SRGAP2: variants seen among roughly 807,000 people sequenced by gnomAD.
The protein encoded by SRGAP2 is SLIT-ROBO Rho GTPase activating protein 2, also known as SLIT-ROBO Rho GTPase-activating protein 2.
Under a neutral mutation model 57.2 loss-of-function variants are expected in SRGAP2, and 15 were observed. The observed-to-expected ratio is 0.26, with a 90% CI of 0.18 to 0.40. SRGAP2 has a LOEUF of 0.40. SRGAP2 is among the 10% of genes least tolerant of loss of function. SRGAP2 has a pLI of 1.00. For missense variants in SRGAP2, 520 were observed against 669.6 expected (o/e 0.78, Z 2.47); for synonymous variants, 249 against 248.0 (o/e 1.00, Z -0.04).
At chr1:206,353,140 G>A (rs1328266595) in intron 4 of SRGAP2, among the ~76,000 whole-genome samples, 1 of 152,118 alleles carries the variant, frequency 6.6e-6, no homozygotes, top group Non-Finnish European at 1.5e-5. Context: ...TATCTAATTT[G>A]TAGAAATTGT....
chr1:206,417,678 C>G (rs1373221308), intron 11 of SRGAP2, among the ~76,000 whole-genome samples: 14 of 152,026 alleles, frequency 9.2e-5, no homozygotes, highest in Admixed American at 9.2e-4. Context: ...CCTCGGCCTC[C>G]CAAAGTGCTG....
In SRGAP2 at chr1:206,358,024, C is replaced by T. The variant is rs1553339781; in HGVS notation, c.423+15016C>T. Among the ~76,000 whole-genome samples, 10 of 148,298 alleles carry T rather than the reference C, an allele frequency of 6.7e-5. 1 individual carries two copies. The South Asian group carries it at 2.0e-3, about 29-fold the overall frequency. On this transcript the variant is annotated intron_variant, in intron 4 of 22. Transcript: ENST00000573034. Reference sequence around the variant, plus strand: ...AAGGCTTTCATTTGGAAATACCCTACTTCCATTTAATATAAGGTAAGGAGA... The same window carrying T: ...AAGGCTTTCATTTGGAAATACCCTATTTCCATTTAATATAAGGTAAGGAGA...
chr1:206,391,329 C>T (rs1387065478), intron 5 of SRGAP2, among the ~76,000 whole-genome samples: 2 of 120,258 alleles, frequency 1.7e-5, no homozygotes, highest in Non-Finnish European at 3.4e-5. Flanking sequence ...AGAGGAGAGT[C>T]GGTGTTGCTT....
intron 11 of SRGAP2, among the ~76,000 whole-genome samples, chr1:206,419,119 GT>G (rs1660062727): frequency 6.6e-6 from 1 of 152,120 alleles, no homozygotes; most frequent in Non-Finnish European, 1.5e-5. Context: ...TGGCCCTAAG[GT>G]TTAGGGGGAC....
rs1553361697 is a variant in SRGAP2 at position 206,415,900 on chromosome 1, G to A, written c.1368G>A (p.Glu456=). 1.3e-6 allele frequency: 1 copy of A among 779,860 alleles called. No individual in the cohort carries two copies. Among genetic ancestry groups the A allele is most frequent in the East Asian group, 2.4e-5 (1 of 41,204 alleles). 48.3% of individuals were successfully genotyped at this position (779,860 alleles called of 1,614,324 possible). ...CTCCTCTCTTACAGAAAATGAAAGA[G>A]TACCTGGAGGGCAGGAACCTCATCA... ...TEQFYFTKMK[E]YLEGRNLITK... The change falls in exon 11 of 23, where the codon GAG becomes GAA. Residue 456 remains glutamate, a synonymous_variant. Coordinates refer to ENST00000573034, the MANE Select transcript of SRGAP2 (RefSeq NM_015326.5).
At chr1:206,417,473 A>C (rs965180212) in intron 11 of SRGAP2, among the ~76,000 whole-genome samples, 3 of 139,778 alleles carry the variant, frequency 2.1e-5, no homozygotes, top group African/African-American at 8.2e-5. Context: ...GCTGGAGTGC[A>C]GTGGTGTGAT....
intron 20 of SRGAP2, chr1:206,453,904 A>T (rs1663580450): frequency 2.0e-6 from 1 of 508,088 alleles, no homozygotes; most frequent in Non-Finnish European, 3.5e-6. Context: ...TGAGGTTGAT[A>T]TAGGGTAAGA....
chr1:206,298,732 C>T (rs1327310172), intron 2 of SRGAP2, among the ~76,000 whole-genome samples: 3 of 152,068 alleles, frequency 2.0e-5, no homozygotes, highest in Non-Finnish European at 4.4e-5. Flanking sequence ...AATTTTTATT[C>T]AAGTGTCATT....
At chr1:206,227,348 A>G (rs1249679488) in intron 2 of SRGAP2, among the ~76,000 whole-genome samples, 5 of 152,216 alleles carry the variant, frequency 3.3e-5, no homozygotes, top group East Asian at 1.9e-4. Flanking sequence ...TGAAAGGCAT[A>G]TATGTGGGAT....
chr1:206,448,041 C>T (rs1028638512), intron 18 of SRGAP2, among the ~76,000 whole-genome samples: 1 of 152,164 alleles, frequency 6.6e-6, no homozygotes, highest in African/African-American at 2.4e-5. Context: ...GAGTCAGCAA[C>T]CTTGGGTTGA....
intron 19 of SRGAP2, among the ~76,000 whole-genome samples, chr1:206,450,787 G>A (rs910263627): frequency 6.6e-6 from 1 of 152,108 alleles, no homozygotes; most frequent in African/African-American, 2.4e-5. Context: ...CTGCCAGACA[G>A]CTGGAGAACA....
intron 13 of SRGAP2, among the ~76,000 whole-genome samples, chr1:206,422,354 A>G (rs959574309): frequency 1.3e-5 from 2 of 152,220 alleles, no homozygotes; most frequent in African/African-American, 2.4e-5. Flanking sequence ...CTTAATGAGT[A>G]TGCCATCAGA....
At chr1:206,386,900 G>A (rs571116319) in intron 5 of SRGAP2, among the ~76,000 whole-genome samples, 23 of 142,380 alleles carry the variant, frequency 1.6e-4, no homozygotes, top group East Asian at 1.1e-3. Flanking sequence ...TGAGGTGGGC[G>A]GATCATGAGG....
At chr1:206,404,416 CTAAAGGACG>C (rs1658494387) in intron 8 of SRGAP2, among the ~76,000 whole-genome samples, 1 of 152,206 alleles carries the variant, frequency 6.6e-6, no homozygotes. Context: ...AGACAAGAGG[CTAAAGGACG>C]AACGGTAACA....
At chr1:206,358,034 A>G (rs1321499008) in intron 4 of SRGAP2, among the ~76,000 whole-genome samples, 1 of 149,042 alleles carries the variant, frequency 6.7e-6, no homozygotes, top group Non-Finnish European at 1.5e-5. Flanking sequence ...CTTCCATTTA[A>G]TATAAGGTAA....
chr1:206,413,578 T>C (rs1418642838), intron 10 of SRGAP2, among the ~76,000 whole-genome samples: 4 of 152,232 alleles, frequency 2.6e-5, no homozygotes, highest in African/African-American at 4.8e-5. Context: ...ATTTTTAATT[T>C]AGAGAGTACG....
intron 2 of SRGAP2, among the ~76,000 whole-genome samples, chr1:206,245,000 A>G (rs1207976166): frequency 6.8e-6 from 1 of 146,682 alleles, no homozygotes; most frequent in Non-Finnish European, 1.5e-5. Context: ...CAAGATCCCC[A>G]TTACTTTTCA....
At chr1:206,329,674 G>T (rs1553331231) in intron 3 of SRGAP2, among the ~76,000 whole-genome samples, 1 of 139,946 alleles carries the variant, frequency 7.1e-6, no homozygotes, top group Non-Finnish European at 1.5e-5. Context: ...AGACTTTGCT[G>T]AAGTTGCTTA....
chr1:206,441,979 G>A (rs1252317641), intron 17 of SRGAP2, among the ~76,000 whole-genome samples: 3 of 152,216 alleles, frequency 2.0e-5, no homozygotes, highest in Non-Finnish European at 4.4e-5. Flanking sequence ...GGACCCAGGT[G>A]TTTTTGCACA....
Sources: allele counts gnomAD v4.1 joint callset (sites outside exome capture counted in the v4.1 genomes callset), GRCh38; gene constraint gnomAD v4.1.1; transcripts MANE v1.5; gene names NCBI Gene and HGNC (gene_info 2026-07-23, HGNC 2026-07-21).